Variants in CAPN8 observed in about 807,000 individuals in gnomAD.
CAPN8 encodes calpain 8.
CAPN8 carries 87 observed loss-of-function variants against 80.9 expected under a neutral mutation model. That is an observed-to-expected ratio of 1.07 (90% CI 0.90 to 1.28). CAPN8 has a LOEUF of 1.28. Ranked by LOEUF, CAPN8 falls within the 50% of genes most tolerant of loss-of-function variation. CAPN8 has a pLI of 0.00. For missense variants in CAPN8, 757 were observed against 702.0 expected (o/e 1.08, Z -0.89); for synonymous variants, 299 against 273.8 (o/e 1.09, Z -0.91).
At chr1:223,634,679 C>T (rs1657865587) in intron 2 of CAPN8, among the ~76,000 whole-genome samples, 1 of 152,148 alleles carries the variant, frequency 6.6e-6, no homozygotes. Context: ...GGCTGTCTTC[C>T]AGTTGTGTCC....
intron 7 of CAPN8, among the ~76,000 whole-genome samples, chr1:223,621,109 C>T (rs1657377644): frequency 6.6e-6 from 1 of 152,062 alleles, no homozygotes; most frequent in African/African-American, 2.4e-5. Flanking sequence ...ACGACAATTC[C>T]CAGAGCCTCT....
At chr1:223,641,365 T>TA (rs1003492835) in intron 2 of CAPN8, among the ~76,000 whole-genome samples, 139 of 149,700 alleles carry the variant, frequency 9.3e-4, no homozygotes, top group African/African-American at 3.4e-3. Flanking sequence ...AAGCCTTTTT[T>TA]TAAAAAAAAA....
chr1:223,626,911 C>A, intron 5 of CAPN8, 78 bp downstream of exon 5: 8 of 1,460,494 alleles, frequency 5.5e-6, no homozygotes, highest in Non-Finnish European at 7.4e-6. Context: ...GCCTCTCTCC[C>A]GCTGTCTCAT....
chr1:223,543,153 A>G lies in CAPN8; in HGVS notation c.2043T>C (p.Leu681=). The change falls in exon 20 of 21, where the codon CTT becomes CTC. Residue 681 remains leucine, a synonymous_variant. Coordinates refer to ENST00000366872, the MANE Select transcript of CAPN8 (RefSeq NM_001143962.2). ...RLETLFKLFS[L]LDEDKDGMVQ... ...CCATGCCATCCTTGTCTTCGTCCAG[A>G]AGGCTGAATAGTTCTAAAACACCAG... 1 of 1,551,710 alleles carries G rather than the reference A, an allele frequency of 6.4e-7. No homozygotes were observed. The highest frequency in any genetic ancestry group is 8.7e-7 in the Non-Finnish European group (1 of 1,146,994).
chr1:223,541,654 TG>T lies in CAPN8; in HGVS notation c.*181del. The T allele has an allele frequency of 1.2e-6, 1 of 820,332 alleles. No individual in the cohort carries two copies. Among genetic ancestry groups the T allele is most frequent in the Non-Finnish European group, 2.0e-6 (1 of 507,312 alleles). The allele number at this position is 820,332 out of a possible 1,614,324, so 50.8% of individuals were successfully genotyped here. A position where few individuals can be genotyped will look rare whatever the true frequency, so the allele number is the denominator to read the frequency against. On this transcript the variant is annotated 3_prime_UTR_variant, in exon 21 of 21. Transcript: ENST00000366872. ...CTTTAATTGATTGCTTTCCCTCCAC[TG>T]GGCCCACCGGGTCGGCTTACATAGC...
Position 223,545,275 on chromosome 1 carries a change from C to T in CAPN8, c.1789G>A (p.Ala597Thr). Residue 597 changes from alanine to threonine, a missense_variant, in exon 17 of 21, where the codon GCG (alanine) becomes ACG (threonine). By Grantham distance (58) the Ala-to-Thr change is moderately conservative. Transcript: ENST00000366872. ...AGCCAGAGCGTCTTGAATTCCACCG[C>T]CCCCAAAGTGCCCGTTCCATTGCTC... Reference protein sequence around the residue: ...LDSNGTGTLGAVEFKTLWLKI... With the variant: ...LDSNGTGTLGTVEFKTLWLKI... The T allele has an allele frequency of 6.4e-7, 1 of 1,551,642 alleles. No individual in the cohort carries two copies. Among genetic ancestry groups the T allele is most frequent in the East Asian group, 2.4e-5 (1 of 40,928 alleles).
At chr1:223,614,359 C>T (rs1015445616) in intron 10 of CAPN8, among the ~76,000 whole-genome samples, 1 of 149,620 alleles carries the variant, frequency 6.7e-6, no homozygotes, top group South Asian at 2.1e-4. Flanking sequence ...GAGTTCACAG[C>T]ACTGCACTCC....
chr1:223,610,414 G>C (rs994360507), intron 11 of CAPN8, among the ~76,000 whole-genome samples: 2 of 152,176 alleles, frequency 1.3e-5, no homozygotes, highest in Non-Finnish European at 2.9e-5. Context: ...CCCTAAAAAT[G>C]CTTACATTCT....
intron 7 of CAPN8, among the ~76,000 whole-genome samples, chr1:223,622,345 GC>G (rs1166098923): frequency 1.3e-5 from 2 of 152,156 alleles, no homozygotes; most frequent in Non-Finnish European, 1.5e-5. Context: ...AGGAGCGAGT[GC>G]CGCTGCCTCA....
chr1:223,621,132 A>G (rs374326908), intron 7 of CAPN8, among the ~76,000 whole-genome samples: 27 of 152,304 alleles, frequency 1.8e-4, no homozygotes, highest in East Asian at 9.6e-4. Context: ...AATTCATTGA[A>G]ACATTAATTT....
chr1:223,545,182 G>T, intron 17 of CAPN8, 49 bp downstream of exon 17: 8 of 1,551,534 alleles, frequency 5.2e-6, no homozygotes, highest in Non-Finnish European at 7.0e-6. Context: ...ATGAGTGTAA[G>T]GGAGGATTAG....
Position 223,609,194 on chromosome 1 carries a change from C to T in CAPN8, c.1494G>A (p.Glu498=), listed in dbSNP as rs1160844174. 1 of 398,290 alleles carries T rather than the reference C, an allele frequency of 2.5e-6. No homozygotes were observed. Among genetic ancestry groups the T allele is most frequent in the Non-Finnish European group, 4.4e-6 (1 of 226,080 alleles). The allele number at this position is 398,290 out of a possible 1,614,324, so 24.7% of individuals were successfully genotyped here. The change falls in exon 12 of 21, where the codon GAG becomes GAA. Residue 498 remains glutamate, a synonymous_variant. Coordinates refer to ENST00000366872, the MANE Select transcript of CAPN8 (RefSeq NM_001143962.2). ...PSTFEPFKDG[E]FCLRVFSEKK... ...TCTCTGAGAACACTCTCAAGCAGAA[C>T]TCGCCGTCTTTGAAGGGTTCAAATG...
chr1:223,549,659 C>A (rs1572222385), intron 15 of CAPN8: 4 of 559,802 alleles, frequency 7.1e-6, no homozygotes, highest in South Asian at 1.9e-5. Context: ...AAATTAATAT[C>A]TTTGAGCTTT....
At chr1:223,623,388 A>T (rs933204190) in intron 6 of CAPN8, among the ~76,000 whole-genome samples, 21 of 152,208 alleles carry the variant, frequency 1.4e-4, no homozygotes, top group Admixed American at 7.8e-4. Flanking sequence ...TAGCTCAAAA[A>T]TCTGAGACTT....
At chr1:223,541,900 G>T in intron 20 of CAPN8, 41 bp from the exon 21 acceptor site, 1 of 1,551,362 alleles carries the variant, frequency 6.4e-7, no homozygotes, top group Non-Finnish European at 8.7e-7. Context: ...GGCTTCTCAG[G>T]GGCTGGTGTG....
chr1:223,649,307 A>G lies in CAPN8; in HGVS notation c.307+5023T>C, dbSNP rs74145966. Among the ~76,000 whole-genome samples, 506 of 152,312 alleles carry G rather than the reference A, an allele frequency of 3.3e-3. 2 individuals are homozygous for G. The highest frequency in any genetic ancestry group is 0.011 in the African/African-American group (471 of 41,584). On this transcript the variant is annotated intron_variant, in intron 2 of 20. Transcript: ENST00000366872. ...GTGGATGCACTCAGGTAAGAACTGG[A>G]TGGAGCTTGCATGGCAGGTAGAGTT...
chr1:223,619,521 A>G (rs2102704988), intron 8 of CAPN8, 68 bp from the exon 9 acceptor site: 2 of 1,517,402 alleles, frequency 1.3e-6, no homozygotes, highest in Admixed American at 2.0e-5. Context: ...ACGCATACTG[A>G]GCACGGGAAG....
At chr1:223,630,798 T>C (rs1657752519) in intron 2 of CAPN8, among the ~76,000 whole-genome samples, 1 of 152,134 alleles carries the variant, frequency 6.6e-6, no homozygotes, top group Non-Finnish European at 1.5e-5. Context: ...TTGATGTGGA[T>C]GGGCTGGCAT....
intron 14 of CAPN8, among the ~76,000 whole-genome samples, chr1:223,551,962 T>C (rs915928048): frequency 9.9e-5 from 15 of 152,144 alleles, no homozygotes; most frequent in African/African-American, 2.7e-4. Flanking sequence ...TCTGTGTGCA[T>C]CTGGGATAAA....
Sources: allele counts gnomAD v4.1 joint callset (sites outside exome capture counted in the v4.1 genomes callset), GRCh38; gene constraint gnomAD v4.1.1; transcripts MANE v1.5; gene names NCBI Gene and HGNC (gene_info 2026-07-23, HGNC 2026-07-21).